SLC39A10: variants seen among roughly 807,000 people sequenced by gnomAD.
SLC39A10 encodes zinc transporter ZIP10.
SLC39A10 carries 13 observed loss-of-function variants against 65.1 expected under a neutral mutation model. The observed-to-expected ratio is 0.20, with a 90% CI of 0.13 to 0.32. The LOEUF (loss-of-function observed/expected upper bound fraction) is 0.32. Ranked by LOEUF, SLC39A10 falls within the 10% of genes least tolerant of loss-of-function variation. The pLI is 1.00. For missense variants in SLC39A10, 831 were observed against 1,018.4 expected, an observed-to-expected ratio of 0.82 and a Z score of 2.50; for synonymous variants, 321 against 342.2, an observed-to-expected ratio of 0.94 and a Z score of 0.68.
At chr2:195,664,572 T>C (rs567448005) in intron 1 of SLC39A10, among the ~76,000 whole-genome samples, 3 of 152,270 alleles carry the variant, frequency 2.0e-5, no homozygotes, top group African/African-American at 4.8e-5. Context: ...AATCATGTTA[T>C]GTAAAAGCTC....
intron 3 of SLC39A10, among the ~76,000 whole-genome samples, chr2:195,699,119 A>T (rs1005785489): frequency 6.6e-6 from 1 of 151,750 alleles, no homozygotes; most frequent in Admixed American, 6.6e-5. Flanking sequence ...AATCCTTTTT[A>T]TTTCTTTGTA....
chr2:195,661,870 A>G (rs1358734075), intron 1 of SLC39A10, among the ~76,000 whole-genome samples: 1 of 152,214 alleles, frequency 6.6e-6, no homozygotes, highest in Non-Finnish European at 1.5e-5. Flanking sequence ...ATATTTTGTC[A>G]TAACCTTTTA....
chr2:195,717,435 C>G (rs1351344770), intron 7 of SLC39A10: 1 of 156,156 alleles, frequency 6.4e-6, no homozygotes, highest in Non-Finnish European at 1.4e-5. Flanking sequence ...TAGTATCTTG[C>G]TAGAGTAAAC....
rs923550176 is a variant in SLC39A10, at chr2:195,680,517, A to G, written c.475A>G (p.Thr159Ala). 9 of 1,614,174 alleles carry G rather than the reference A, an allele frequency of 5.6e-6. No homozygotes were observed. The highest frequency in any genetic ancestry group is 7.6e-6 in the Non-Finnish European group (9 of 1,180,036). ...CCATAAATGTGATCCAGAGAAAGAGACAGTTGAAGTGTCTGTAAAATCTGA... is the reference window on the plus strand; with the variant it reads ...CCATAAATGTGATCCAGAGAAAGAGGCAGTTGAAGTGTCTGTAAAATCTGA... Reference protein sequence around the residue: ...RNHKCDPEKETVEVSVKSDDK... With the variant: ...RNHKCDPEKEAVEVSVKSDDK... The change falls in exon 2 of 10, where the codon ACA becomes GCA. Residue 159 changes from threonine (T) to alanine (A), a missense_variant. Physicochemically the swap from Thr to Ala is moderately conservative, Grantham distance 58. Transcript: ENST00000359634.
rs935558394 is a variant in SLC39A10 at position 195,729,738 on chromosome 2, C to T, written c.2337+1389C>T. Reference sequence around the variant, plus strand: ...AAGAGGTGGGGGACCTCTCTTAGTTCCAACTTCCCCTTTAGCTATCACCCT... The same window carrying T: ...AAGAGGTGGGGGACCTCTCTTAGTTTCAACTTCCCCTTTAGCTATCACCCT... On this transcript the variant is annotated intron_variant, in intron 9 of 9. Coordinates refer to ENST00000359634, the MANE Select transcript of SLC39A10 (RefSeq NM_020342.3). Among the ~76,000 whole-genome samples, 10 of 152,204 alleles carry T rather than the reference C, an allele frequency of 6.6e-5. No individual in the cohort carries two copies. The South Asian group carries it at 8.3e-4, about 13-fold the overall frequency.
chr2:195,646,861 G>C (rs1422515605), intron 2 of SLC39A10, among the ~76,000 whole-genome samples: 2 of 152,142 alleles, frequency 1.3e-5, no homozygotes, highest in African/African-American at 2.4e-5. Flanking sequence ...ATCATCTCAG[G>C]TGGAGCAGTT....
At chr2:195,649,160 A>T (rs761574503) in intron 2 of SLC39A10, among the ~76,000 whole-genome samples, 1 of 152,192 alleles carries the variant, frequency 6.6e-6, no homozygotes, top group Non-Finnish European at 1.5e-5. Context: ...CAAAAAAAGA[A>T]TGACAACAAC....
intron 3 of SLC39A10, among the ~76,000 whole-genome samples, chr2:195,684,864 T>C (rs752141986): frequency 6.6e-6 from 1 of 152,206 alleles, no homozygotes; most frequent in Non-Finnish European, 1.5e-5. Flanking sequence ...GAATTTTTTC[T>C]TTATAGTGAT....
chr2:195,720,297 G>A (rs1691982801), intron 8 of SLC39A10, among the ~76,000 whole-genome samples: 4 of 152,066 alleles, frequency 2.6e-5, no homozygotes, highest in Admixed American at 2.6e-4. Context: ...GTATTTATTG[G>A]TTTACCAATT....
At chr2:195,659,481 T>G (rs1306197734) in intron 1 of SLC39A10, among the ~76,000 whole-genome samples, 5 of 152,180 alleles carry the variant, frequency 3.3e-5, no homozygotes, top group African/African-American at 1.2e-4. Context: ...GGATGTAGTA[T>G]TATAGCAAGG....
rs565826794 is a variant in SLC39A10 at position 195,650,522 on chromosome 2, C to A, written c.-11-29510C>A. ...AAGCTTCTCTGTTATTGTCTGTCTT[C>A]CAGGAGAGATGCCTAATGCTAACAC... On this transcript the variant is annotated intron_variant, in intron 2 of 2. Transcript: ENST00000458054. 2.6e-5 allele frequency among the ~76,000 whole-genome samples: 4 copies of A among 152,084 alleles called. No individual in the cohort carries two copies. In the East Asian group the frequency reaches 7.8e-4, roughly 29 times the overall value.
chr2:195,672,917 AGGAATATGTAT>A (rs1689926166), intron 1 of SLC39A10, among the ~76,000 whole-genome samples: 1 of 152,220 alleles, frequency 6.6e-6, no homozygotes, highest in Admixed American at 6.5e-5. Flanking sequence ...AGGGAGCTAA[AGGAATATGTAT>A]CTTCCTTTGC....
chr2:195,651,434 A>G (rs759025569), intron 2 of SLC39A10, among the ~76,000 whole-genome samples: 48 of 152,260 alleles, frequency 3.2e-4, no homozygotes, highest in Admixed American at 4.6e-4. Flanking sequence ...TTGAGGCCTC[A>G]GTTTGGAATT....
rs1005393979 is a variant in SLC39A10 at position 195,618,099 on chromosome 2, C to T, written c.-12+11866C>T. ...TGCCGGTGCCTCACACCTGTAATCC[C>T]AGTACTTTGGGAGGCTGAGGTGGGG... On this transcript the variant is annotated intron_variant, in intron 2 of 2. Coordinates refer to the SLC39A10 transcript ENST00000458054. Among the ~76,000 whole-genome samples the T allele has an allele frequency of 6.6e-5, 10 of 151,602 alleles. No homozygotes were observed. The East Asian group carries it at 1.2e-3, about 18-fold the overall frequency.
At position 195,680,581 on chromosome 2, in the gene SLC39A10, A is replaced by C; in HGVS notation, c.539A>C (p.His180Pro). ...HMHDHNHRLR[H>P]HHRLHHHLDH... ...CATGACCATAATCACCGCCTACGTC[A>C]TCACCATCGTTTGCATCATCATCTT... Residue 180 changes from histidine to proline, a missense_variant, in exon 2 of 10, where the codon CAT (histidine) becomes CCT (proline). Around this residue, in one of 4 missense-constraint regions of SLC39A10, gnomAD observed 446 missense variants for 499.2 expected, o/e 0.89. Transcript: ENST00000359634. 6.2e-7 allele frequency: 1 copy of C among 1,614,202 alleles called. No individual in the cohort carries two copies. Among genetic ancestry groups the C allele is most frequent in the Non-Finnish European group, 8.5e-7 (1 of 1,180,040 alleles).
At chr2:195,709,192 CTTGT>C (rs1691514985) in intron 5 of SLC39A10, among the ~76,000 whole-genome samples, 1 of 141,374 alleles carries the variant, frequency 7.1e-6, no homozygotes, top group South Asian at 2.4e-4. Context: ...GCCCAGCTAA[CTTGT>C]ATGTATGTAT....
At chr2:195,715,645 G>T (rs1271829525) in intron 6 of SLC39A10, among the ~76,000 whole-genome samples, 2 of 151,394 alleles carry the variant, frequency 1.3e-5, no homozygotes, top group East Asian at 3.9e-4. Flanking sequence ...TATGCTTTCT[G>T]TGACACTAAT....
At chr2:195,685,008 CTT>C (rs1199679430) in intron 3 of SLC39A10, among the ~76,000 whole-genome samples, 1 of 152,132 alleles carries the variant, frequency 6.6e-6, no homozygotes, top group African/African-American at 2.4e-5. Flanking sequence ...TTCCCAGTAA[CTT>C]TTCTGATATC....
rs1691411836 is a variant in SLC39A10 at position 195,706,740 on chromosome 2, T to C, written c.1341T>C (p.Ala447=). 6.2e-7 allele frequency: 1 copy of C among 1,600,172 alleles called. No homozygotes were observed. The highest frequency in any genetic ancestry group is 8.5e-7 in the Non-Finnish European group (1 of 1,174,014). ...KFLLTFLVAL[A]VGTMSGDALL... The stretch of plus-strand genomic sequence containing the variant: ...TTCTTACATTCCTTGTTGCATTAGC[T>C]GTAGGAACAATGAGTGGAGACGCCC... The change falls in exon 4 of 10, where the codon GCT becomes GCC. Residue 447 remains alanine, a synonymous_variant. Coordinates refer to ENST00000359634, the MANE Select transcript of SLC39A10 (RefSeq NM_020342.3).
Sources: gnomAD v4.1 joint callset for allele counts (sites outside exome capture counted in the v4.1 genomes callset) on GRCh38, gnomAD v4.1.1 for gene constraint, gnomAD v4.1.1 regional missense constraint, MANE v1.5 for transcripts, NCBI Gene and HGNC (gene_info 2026-07-23, HGNC 2026-07-21) for gene names.